Variants in UGT1A4 observed in about 807,000 individuals in gnomAD.
The protein encoded by UGT1A4 is UDP-glucuronosyltransferase 1A4.
UGT1A4 carries 32 observed loss-of-function variants against 41.1 expected under a neutral mutation model. The ratio of observed to expected loss-of-function variants is 0.78; its 90% CI spans 0.59 to 1.05. The LOEUF is 1.05. UGT1A4 is among the 50% of genes least tolerant of loss of function. UGT1A4 has a pLI of 0.00. For missense variants in UGT1A4, 748 were observed against 677.4 expected (o/e 1.10, Z -1.16); for synonymous variants, 283 against 265.1 (o/e 1.07, Z -0.66).
intron 1 of UGT1A4, among the ~76,000 whole-genome samples, chr2:233,731,284 CTTT>C (rs78127606): frequency 7.2e-6 from 1 of 139,768 alleles, no homozygotes. Flanking sequence ...GTTTTTCTTT[CTTT>C]TTTTTTTTTT....
intron 1 of UGT1A4, chr2:233,753,360 G>C (rs1270331798): frequency 6.6e-6 from 1 of 152,184 alleles, no homozygotes; most frequent in Non-Finnish European, 1.5e-5. Flanking sequence ...TATTACTTGG[G>C]TGCCATTCCA....
chr2:233,772,304 C>G lies in UGT1A4; in HGVS notation c.1350C>G (p.Asp450Glu), dbSNP rs1165346261. The change falls in exon 5 of 5, where the codon GAC becomes GAG. Residue 450 changes from aspartate to glutamate, a missense_variant. Transcript: ENST00000373409. The part of the protein sequence containing the change: ...NIMRLSSLHK[D>E]RPVEPLDLAV... ...TGCGCCTCTCCAGCCTTCACAAGGA[C>G]CGCCCGGTGGAGCCGCTGGACCTGG... The G allele has an allele frequency of 6.2e-7, 1 of 1,614,230 alleles. No homozygotes were observed. The highest frequency in any genetic ancestry group is 2.2e-5 in the East Asian group (1 of 44,884).
At chr2:233,760,273 A>C in intron 1 of UGT1A4, 3 of 1,612,532 alleles carry the variant, frequency 1.9e-6, no homozygotes, top group Non-Finnish European at 1.7e-6. Flanking sequence ...AACCTCTGGC[A>C]GGAGCAAAGG....
intron 1 of UGT1A4, among the ~76,000 whole-genome samples, chr2:233,746,352 C>T (rs540725782): frequency 6.6e-6 from 1 of 151,844 alleles, no homozygotes; most frequent in African/African-American, 2.4e-5. Flanking sequence ...TTATGTTGCT[C>T]CTTTAGTAAC....
Position 233,718,916 on chromosome 2 carries a change from G to C in UGT1A4, c.96G>C (p.Leu32Phe). 1 of 1,614,098 alleles carries C rather than the reference G, an allele frequency of 6.2e-7. No individual in the cohort carries two copies. The change falls in exon 1 of 5, where the codon TTG becomes TTC. Residue 32 changes from leucine to phenylalanine, a missense_variant. Coordinates refer to ENST00000373409, the MANE Select transcript of UGT1A4 (RefSeq NM_007120.3). ...CCTGGGCTGAGAGTGGAAAGGTGTT[G>C]GTGGTGCCCACTGATGGCAGCCCCT... ...VQPWAESGKV[L>F]VVPTDGSPWL...
chr2:233,770,479 C>T (rs545055885), intron 4 of UGT1A4: 1 of 152,002 alleles, frequency 6.6e-6, no homozygotes, highest in Admixed American at 6.5e-5. Flanking sequence ...CATGAAGAAA[C>T]CTTATCTCTA....
chr2:233,772,427 C>T lies in UGT1A4; in HGVS notation c.1473C>T (p.Asp491=), dbSNP rs114123636. ...CCTGGTACCAGTACCATTCCTTGGA[C>T]GTGATTGGTTTCCTCTTGGCCGTCG... ...DLTWYQYHSL[D]VIGFLLAVVL... is the part of the protein sequence containing the mutation. The change falls in exon 5 of 5, where the codon GAC becomes GAT. Residue 491 remains aspartate, a synonymous_variant. Coordinates refer to ENST00000373409, the MANE Select transcript of UGT1A4 (RefSeq NM_007120.3). The T allele has an allele frequency of 1.1e-4, 177 of 1,614,220 alleles. No homozygotes were observed. The highest frequency in any genetic ancestry group is 8.7e-4 in the East Asian group (39 of 44,876).
chr2:233,761,565 G>T (rs1015510791), intron 1 of UGT1A4, among the ~76,000 whole-genome samples: 1 of 152,250 alleles, frequency 6.6e-6, no homozygotes, highest in African/African-American at 2.4e-5. Context: ...TCCTGGAAAT[G>T]AAAGTTGCCT....
At chr2:233,738,656 G>A (rs1275233800) in intron 1 of UGT1A4, among the ~76,000 whole-genome samples, 1 of 152,108 alleles carries the variant, frequency 6.6e-6, no homozygotes, top group Non-Finnish European at 1.5e-5. Context: ...TTGGAACTAC[G>A]AACTTGAGAG....
chr2:233,760,680 G>A, intron 1 of UGT1A4: 1 of 1,614,136 alleles, frequency 6.2e-7, no homozygotes, highest in Non-Finnish European at 8.5e-7. Flanking sequence ...CCCACTTACT[G>A]CACAACAAGG....
At chr2:233,737,836 G>A (rs1690606098) in intron 1 of UGT1A4, among the ~76,000 whole-genome samples, 1 of 151,904 alleles carries the variant, frequency 6.6e-6, no homozygotes, top group African/African-American at 2.4e-5. Flanking sequence ...TGGGAACTGT[G>A]GCACAGGTCA....
chr2:233,772,220 C>T (rs1700484860), intron 4 of UGT1A4, 42 bp from the exon 5 acceptor site: 1 of 1,612,710 alleles, frequency 6.2e-7, no homozygotes, highest in Non-Finnish European at 8.5e-7. Flanking sequence ...ATTGTTCATA[C>T]CACAGGTGTT....
intron 4 of UGT1A4, among the ~76,000 whole-genome samples, chr2:233,771,893 A>G (rs546838054): frequency 6.6e-6 from 1 of 150,952 alleles, no homozygotes; most frequent in Admixed American, 6.6e-5. Flanking sequence ...TCTTAATTAT[A>G]ACCTTTCAGG....
In UGT1A4 at chr2:233,740,456, A is replaced by T. The variant is rs1042251699; in HGVS notation, c.867+20769A>T. ...GAAAGTGGAATCAGAGGAGAAGAAG[A>T]TGATGGACAGAAAGGATCATTCCCT... On this transcript the variant is annotated intron_variant, in intron 1 of 4. Transcript: ENST00000373409. 7.2e-5 allele frequency among the ~76,000 whole-genome samples: 11 copies of T among 151,968 alleles called. 1 individual carries two copies. The highest frequency in any genetic ancestry group is 2.4e-4 in the African/African-American group (10 of 41,218).
chr2:233,735,668 T>C (rs552280878), intron 1 of UGT1A4, among the ~76,000 whole-genome samples: 4 of 152,360 alleles, frequency 2.6e-5, no homozygotes, highest in African/African-American at 4.8e-5. Context: ...TTTCCATGTT[T>C]AGTGCTTCCT....
At chr2:233,766,011 C>T (rs921466084) in intron 1 of UGT1A4, among the ~76,000 whole-genome samples, 4 of 152,188 alleles carry the variant, frequency 2.6e-5, no homozygotes, top group African/African-American at 9.6e-5. Context: ...TGGGTTATGG[C>T]CTTCTTTTAG....
rs531044910 is a variant in UGT1A4, at chr2:233,751,112, A to G, written c.868-15922A>G. 2.6e-5 allele frequency among the ~76,000 whole-genome samples: 4 copies of G among 152,082 alleles called. No homozygotes were observed. The South Asian group carries it at 8.3e-4, about 32-fold the overall frequency. On this transcript the variant is annotated intron_variant, in intron 1 of 4. Transcript: ENST00000373409. ...GGAGGAGGGCTTTGCCCTGCAAGCCACAGTGTCCAAGTTGCCTGAGACTGT... is the reference window on the plus strand; with the variant it reads ...GGAGGAGGGCTTTGCCCTGCAAGCCGCAGTGTCCAAGTTGCCTGAGACTGT...
chr2:233,768,554 T>C lies in UGT1A4; in HGVS notation c.1307+115T>C, dbSNP rs1402826015. On this transcript the variant is annotated intron_variant, in intron 4 of 4. Transcript: ENST00000373409. ...GCGTTGTTTCAAATATAAAAACAAA[T>C]ACATAAAAATCTGGATTTTTATTTC... 4 of 1,425,606 alleles carry C rather than the reference T, an allele frequency of 2.8e-6. No individual in the cohort carries two copies. In the African/African-American group the frequency reaches 5.8e-5, roughly 21 times the overall value. 88.3% of individuals were successfully genotyped at this position (1,425,606 alleles called of 1,614,324 possible). A position where few individuals can be genotyped will look rare whatever the true frequency, so the allele number is the denominator to read the frequency against.
intron 4 of UGT1A4, among the ~76,000 whole-genome samples, chr2:233,772,034 G>A (rs1488407782): frequency 1.3e-5 from 2 of 152,152 alleles, no homozygotes; most frequent in African/African-American, 2.4e-5. Context: ...GATGGCTTGA[G>A]CCCAGGAGTT....
Sources: allele counts gnomAD v4.1 joint callset (sites outside exome capture counted in the v4.1 genomes callset), GRCh38; gene constraint gnomAD v4.1.1; transcripts MANE v1.5; gene names NCBI Gene and HGNC (gene_info 2026-07-23, HGNC 2026-07-21).